Variants in NXPE4 observed in about 807,000 individuals in gnomAD.
NXPE4 encodes the protein neurexophilin and PC-esterase domain family member 4, also known as NXPE family member 4.
Under a neutral mutation model 33.3 loss-of-function variants are expected in NXPE4, and 42 were observed. The observed-to-expected ratio is 1.26, with a 90% CI of 0.98 to 1.63. The LOEUF (loss-of-function observed/expected upper bound fraction) is 1.63, where lower values mean the gene tolerates loss of function less well. Ranked by LOEUF, NXPE4 falls within the 40% of genes most tolerant of loss-of-function variation. The pLI, the probability that NXPE4 is intolerant of heterozygous loss-of-function variation, is 0.00. For missense variants in NXPE4, 709 were observed against 647.6 expected (o/e 1.09, Z -1.03); for synonymous variants, 253 against 234.9 (o/e 1.08, Z -0.71).
the NXPE4 span, among the ~76,000 whole-genome samples, chr11:114,653,191 AC>A: frequency 6.6e-6 from 1 of 152,234 alleles, no homozygotes; most frequent in African/African-American, 2.4e-5. Flanking sequence ...GGTTTTTAAA[AC>A]AAAACATTTA....
At chr11:114,612,952 G>A in the NXPE4 span, among the ~76,000 whole-genome samples, 1 of 151,804 alleles carries the variant, frequency 6.6e-6, no homozygotes, top group African/African-American at 2.4e-5. Flanking sequence ...ACTGTTACCT[G>A]CTGGATAATA....
the NXPE4 span, among the ~76,000 whole-genome samples, chr11:114,626,088 G>A: frequency 1.3e-5 from 2 of 152,284 alleles, no homozygotes; most frequent in East Asian, 1.9e-4. Context: ...AGGCGGCAGC[G>A]AGGCTGGGAG....
the NXPE4 span, among the ~76,000 whole-genome samples, chr11:114,633,009 ATT>A: frequency 4.7e-5 from 5 of 106,392 alleles, no homozygotes; most frequent in Admixed American, 2.8e-4. Context: ...AATAATATAT[ATT>A]ATATAATATA....
rs1004907576 is a variant in NXPE4 at position 114,583,968 on chromosome 11, C to A, written c.97-947G>T. On this transcript the variant is annotated intron_variant, in intron 2 of 5. Transcript: ENST00000375478. Reference sequence around the variant, plus strand: ...GGGATTGATGATGAGTCCTATGAGGCCATTTTCAAACTGGTCATGTCCAAA... The same window carrying A: ...GGGATTGATGATGAGTCCTATGAGGACATTTTCAAACTGGTCATGTCCAAA... The A allele has an allele frequency of 7.2e-5, 27 of 377,422 alleles. 1 individual carries two copies. The highest frequency in any genetic ancestry group is 6.6e-4 in the Admixed American group (21 of 31,912). The allele number at this position is 377,422 out of a possible 1,614,324, so 23.4% of individuals were successfully genotyped here. A position where few individuals can be genotyped will look rare whatever the true frequency, so the allele number is the denominator to read the frequency against.
At position 114,594,834 on chromosome 11, in the gene NXPE4, G is replaced by A. The variant is rs1397162834; in HGVS notation, c.-10-65C>T. On this transcript the variant is annotated intron_variant, in intron 1 of 5. Coordinates refer to ENST00000375478, the MANE Select transcript of NXPE4 (RefSeq NM_001077639.2). ...ACAAAACAGAAAAGCAAACAAACAT[G>A]GGAAACATTTGAAATTTTTTTGGCT... 6 of 863,830 alleles carry A rather than the reference G, an allele frequency of 6.9e-6. No homozygotes were observed. In the Admixed American group the frequency reaches 1.5e-4, roughly 21 times the overall value. The allele number at this position is 863,830 out of a possible 1,614,324, so 53.5% of individuals were successfully genotyped here. A position where few individuals can be genotyped will look rare whatever the true frequency, so the allele number is the denominator to read the frequency against.
the NXPE4 span, among the ~76,000 whole-genome samples, chr11:114,669,178 A>T: frequency 6.6e-6 from 1 of 152,126 alleles, no homozygotes; most frequent in Non-Finnish European, 1.5e-5. Flanking sequence ...ATCATAATTG[A>T]TGCACATTAT....
At chr11:114,576,308 A>G (rs193183624) in intron 5 of NXPE4, among the ~76,000 whole-genome samples, 173 of 152,096 alleles carry the variant, frequency 1.1e-3, no homozygotes, top group African/African-American at 4.0e-3. Flanking sequence ...CTTTATGACC[A>G]AGGACCCAAA....
chr11:114,581,525 C>A (rs1949145602), intron 4 of NXPE4, among the ~76,000 whole-genome samples, 200 bp downstream of exon 4: 1 of 152,174 alleles, frequency 6.6e-6, no homozygotes, highest in South Asian at 2.1e-4. Context: ...ATGAGAGTTA[C>A]AGTTACTAAA....
At chr11:114,587,062 T>C (rs1218165002) in intron 2 of NXPE4, among the ~76,000 whole-genome samples, 2 of 152,166 alleles carry the variant, frequency 1.3e-5, no homozygotes, top group African/African-American at 2.4e-5. Context: ...CCCTATTCCA[T>C]GAGGCATATT....
At chr11:114,585,877 G>A (rs1373977373) in intron 2 of NXPE4, among the ~76,000 whole-genome samples, 1 of 152,128 alleles carries the variant, frequency 6.6e-6, no homozygotes, top group Non-Finnish European at 1.5e-5. Context: ...CTACCTGAGG[G>A]CCAGGCATGT....
chr11:114,675,135 T>C, the NXPE4 span, among the ~76,000 whole-genome samples: 6 of 151,644 alleles, frequency 4.0e-5, no homozygotes, highest in African/African-American at 1.2e-4. Flanking sequence ...AAATTGAGTA[T>C]AGAAGGATTA....
At chr11:114,653,578 C>T in the NXPE4 span, among the ~76,000 whole-genome samples, 3 of 144,262 alleles carry the variant, frequency 2.1e-5, no homozygotes, top group Non-Finnish European at 3.0e-5. Flanking sequence ...CTCTGTCGCC[C>T]AGGCAGTGGC....
chr11:114,626,912 G>T, the NXPE4 span, among the ~76,000 whole-genome samples: 32 of 151,920 alleles, frequency 2.1e-4, no homozygotes, highest in Non-Finnish European at 3.5e-4. Context: ...TGGAAGAAAG[G>T]GTATCAGTGA....
At chr11:114,576,454 A>G (rs1948995811) in intron 5 of NXPE4, among the ~76,000 whole-genome samples, 1 of 152,070 alleles carries the variant, frequency 6.6e-6, no homozygotes, top group Non-Finnish European at 1.5e-5. Flanking sequence ...TTATACAGTC[A>G]ACAAAGGGCT....
At chr11:114,652,332 G>C in the NXPE4 span, among the ~76,000 whole-genome samples, 1 of 152,198 alleles carries the variant, frequency 6.6e-6, no homozygotes, top group African/African-American at 2.4e-5. Context: ...AAAGGCTTCA[G>C]AGCACCAGAG....
At chr11:114,642,937 C>A in the NXPE4 span, among the ~76,000 whole-genome samples, 1 of 152,098 alleles carries the variant, frequency 6.6e-6, no homozygotes, top group African/African-American at 2.4e-5. Flanking sequence ...TGTTTCCTGA[C>A]ATTTTAATGA....
At chr11:114,662,422 T>C in the NXPE4 span, among the ~76,000 whole-genome samples, 4 of 152,344 alleles carry the variant, frequency 2.6e-5, no homozygotes, top group South Asian at 8.3e-4. Context: ...TGCTGCAGGC[T>C]AAAGTGCTAT....
chr11:114,663,816 G>T, the NXPE4 span, among the ~76,000 whole-genome samples: 5 of 152,004 alleles, frequency 3.3e-5, no homozygotes, highest in Non-Finnish European at 7.4e-5. Context: ...TATGGAGATG[G>T]ATCATCCAGA....
the NXPE4 span, among the ~76,000 whole-genome samples, chr11:114,664,182 T>C: frequency 6.6e-6 from 1 of 152,204 alleles, no homozygotes; most frequent in Admixed American, 6.5e-5. Flanking sequence ...AATGCTGTAA[T>C]TCAGTGGCAA....
Sources: allele counts gnomAD v4.1 joint callset (sites outside exome capture counted in the v4.1 genomes callset), GRCh38; gene constraint gnomAD v4.1.1; transcripts MANE v1.5; gene names NCBI Gene and HGNC (gene_info 2026-07-23, HGNC 2026-07-21).